Variants in NMD3 observed in about 807,000 individuals in gnomAD.
The protein encoded by NMD3 is NMD3 ribosome export adaptor.
NMD3 carries 47 observed loss-of-function variants against 73.1 expected under a neutral mutation model. That is an observed-to-expected ratio of 0.64 (90% CI 0.51 to 0.82). NMD3 has a LOEUF of 0.82. Among genes scored for constraint, NMD3 ranks in the 40% least tolerant of loss-of-function variants. The pLI is 0.00. For missense variants in NMD3, 554 were observed against 612.5 expected (o/e 0.90, Z 1.01); for synonymous variants, 210 against 194.5 (o/e 1.08, Z -0.66).
In NMD3 at chr3:161,234,783, C is replaced by G. The variant is rs1279326891; in HGVS notation, c.414C>G (p.Ser138=). ...QVFVVDYVVQ[S]QMCGDCHRVE... is the part of the protein sequence containing the mutation. ...TTGTGGTGGATTATGTTGTTCAGTC[C>G]CAAATGTGTGGAGATTGCCATAGAG... Residue 138 remains serine, a synonymous_variant, in exon 6 of 16, where the codon TCC becomes TCG. Transcript: ENST00000351193. The G allele has an allele frequency of 6.2e-7, 1 of 1,612,836 alleles. No individual in the cohort carries two copies. The highest frequency in any genetic ancestry group is 8.5e-7 in the Non-Finnish European group (1 of 1,179,352).
intron 2 of NMD3, chr3:161,222,888 C>G (rs1352257793): frequency 1.3e-5 from 2 of 152,220 alleles, no homozygotes; most frequent in African/African-American, 4.8e-5. Context: ...GCCCCCTTCC[C>G]TGTGATGCTT....
chr3:161,228,863 G>T (rs1481423668), intron 4 of NMD3, among the ~76,000 whole-genome samples: 1 of 152,184 alleles, frequency 6.6e-6, no homozygotes, highest in Non-Finnish European at 1.5e-5. Flanking sequence ...ATATTAAAAG[G>T]TATATTCTGT....
intron 15 of NMD3, among the ~76,000 whole-genome samples, chr3:161,250,541 A>C (rs1029312394): frequency 2.0e-5 from 3 of 152,144 alleles, no homozygotes; most frequent in African/African-American, 7.2e-5. Context: ...TTTGCATTCT[A>C]GCTTGATCCC....
intron 8 of NMD3, among the ~76,000 whole-genome samples, chr3:161,238,503 A>G (rs955313900): frequency 2.6e-5 from 4 of 152,170 alleles, no homozygotes; most frequent in East Asian, 1.9e-4. Flanking sequence ...AGCCAACAGC[A>G]TGTTCTAGAG....
At chr3:161,228,326 C>A (rs75350527) in intron 4 of NMD3, among the ~76,000 whole-genome samples, 4 of 151,998 alleles carry the variant, frequency 2.6e-5, no homozygotes, top group Admixed American at 1.3e-4. Flanking sequence ...CACTTTTTGG[C>A]GCTTCTGGCA....
rs1483824584 is a variant in NMD3 at position 161,234,873 on chromosome 3, T to C, written c.486+18T>C. 5.6e-6 allele frequency: 9 copies of C among 1,610,226 alleles called. No individual in the cohort carries two copies. The highest frequency in any genetic ancestry group is 7.6e-6 in the Non-Finnish European group (9 of 1,176,948). On this transcript the variant is annotated intron_variant, in intron 6 of 15. Coordinates refer to ENST00000351193, the MANE Select transcript of NMD3 (RefSeq NM_015938.5). ...GGCAAAAGGTAATGAGAGAAGATGA[T>C]GAGTGAGTCCTACATCTTATATTTC...
intron 4 of NMD3, among the ~76,000 whole-genome samples, chr3:161,232,069 C>T (rs578001025): frequency 6.6e-6 from 1 of 151,136 alleles, no homozygotes; most frequent in East Asian, 1.9e-4. Context: ...GTCAAGGAGA[C>T]TCTCCATTCC....
At chr3:161,248,315 C>A (rs1737338311) in intron 13 of NMD3, among the ~76,000 whole-genome samples, 1 of 151,750 alleles carries the variant, frequency 6.6e-6, no homozygotes, top group Non-Finnish European at 1.5e-5. Context: ...CACAGTGAAA[C>A]CCCATCTTTA....
At chr3:161,247,671 C>T (rs1193391117) in intron 13 of NMD3, among the ~76,000 whole-genome samples, 2 of 151,666 alleles carry the variant, frequency 1.3e-5, no homozygotes, top group Middle Eastern at 3.2e-3. Context: ...AGCTTGTAAT[C>T]CCAGCTACTT....
At chr3:161,249,713 A>G in intron 14 of NMD3, 153 bp downstream of exon 14, 1 of 661,530 alleles carries the variant, frequency 1.5e-6, no homozygotes, top group Non-Finnish European at 2.7e-6. Context: ...AATCAGTATA[A>G]GATGATGTAA....
chr3:161,222,727 C>T (rs1488620976), intron 2 of NMD3, among the ~76,000 whole-genome samples: 2 of 152,080 alleles, frequency 1.3e-5, no homozygotes, highest in African/African-American at 4.8e-5. Context: ...GGCTTCTTAC[C>T]ACAACTACCC....
chr3:161,252,749 A>G (rs780422540), downstream of NMD3: 9 of 672,110 alleles, frequency 1.3e-5, no homozygotes, highest in South Asian at 1.3e-4. Flanking sequence ...ACAAGTCATT[A>G]TGACCATTTT....
chr3:161,236,153 G>T (rs571993142), intron 7 of NMD3, among the ~76,000 whole-genome samples: 48 of 151,870 alleles, frequency 3.2e-4, no homozygotes, highest in African/African-American at 1.2e-3. Context: ...TTTTTCCACT[G>T]CCCATTGCAT....
intron 13 of NMD3, 51 bp from the exon 14 acceptor site, chr3:161,249,403 C>G (rs1737384153): frequency 8.4e-7 from 1 of 1,195,230 alleles, no homozygotes; most frequent in East Asian, 2.4e-5. Flanking sequence ...ATTTTGTGGC[C>G]TCACTGTATA....
Position 161,221,988 on chromosome 3 carries a change from T to TTTTTTTA in NMD3, c.-20-6_-20-5insTTTTTTA, listed in dbSNP as rs748443883. 51 of 1,192,850 alleles carry TTTTTTTA rather than the reference T, an allele frequency of 4.3e-5. 2 individuals are homozygous for TTTTTTTA. The African/African-American group carries it at 5.3e-4, about 12-fold the overall frequency. 73.9% of individuals were successfully genotyped at this position (1,192,850 alleles called of 1,614,324 possible). A position where few individuals can be genotyped will look rare whatever the true frequency, so the allele number is the denominator to read the frequency against. On this transcript the variant is annotated splice_region_variant and splice_polypyrimidine_tract_variant and intron_variant, in intron 1 of 15. Transcript: ENST00000351193. ...TTTTTTTTTTTTTTTTTTTTTTTTT[T>TTTTTTTA]AAAAGAACTTAAGGCATACAGAACG...
chr3:161,238,012 A>G, intron 7 of NMD3, 101 bp from the exon 8 acceptor site: 1 of 771,256 alleles, frequency 1.3e-6, no homozygotes, highest in Non-Finnish European at 2.1e-6. Flanking sequence ...TAATAATTTG[A>G]TTTTGTTTAA....
At chr3:161,236,162 A>G (rs1736749690) in intron 7 of NMD3, among the ~76,000 whole-genome samples, 1 of 152,106 alleles carries the variant, frequency 6.6e-6, no homozygotes, top group South Asian at 2.1e-4. Flanking sequence ...TGCCCATTGC[A>G]TATTTTATTT....
At chr3:161,227,664 G>A (rs1736376144) in intron 4 of NMD3, among the ~76,000 whole-genome samples, 1 of 151,834 alleles carries the variant, frequency 6.6e-6, no homozygotes, top group Non-Finnish European at 1.5e-5. Context: ...GGCCAGATTG[G>A]TCTCGAACTC....
chr3:161,227,437 A>ATTTTTTTTTTTTTTTT, intron 4 of NMD3, 94 bp downstream of exon 4: 1 of 324,472 alleles, frequency 3.1e-6, no homozygotes, highest in Non-Finnish European at 5.4e-6. Context: ...TTCAAAAGGA[A>ATTTTTTTTTTTTTTTT]TTTTTTTTTT....
Sources: allele counts gnomAD v4.1 joint callset (sites outside exome capture counted in the v4.1 genomes callset), GRCh38; gene constraint gnomAD v4.1.1; transcripts MANE v1.5; gene names NCBI Gene and HGNC (gene_info 2026-07-23, HGNC 2026-07-21).